Variants in PROS1 observed in about 807,000 individuals in gnomAD.
The protein encoded by PROS1 is protein S.
Under a neutral mutation model 75.9 loss-of-function variants are expected in PROS1, and 29 were observed. The observed-to-expected ratio is 0.38, with a 90% CI of 0.28 to 0.52. The LOEUF (loss-of-function observed/expected upper bound fraction) is 0.52, where lower values mean the gene tolerates loss of function less well. Ranked by LOEUF, PROS1 falls within the 20% of genes least tolerant of loss-of-function variation. The pLI, the probability that PROS1 is intolerant of heterozygous loss-of-function variation, is 0.83. For missense variants in PROS1, 680 were observed against 810.3 expected (o/e 0.84, Z 1.95); for synonymous variants, 245 against 280.6 (o/e 0.87, Z 1.27).
At chr3:93,942,714 T>C (rs1185253966) in intron 1 of PROS1, among the ~76,000 whole-genome samples, 2 of 152,146 alleles carry the variant, frequency 1.3e-5, no homozygotes, top group African/African-American at 4.8e-5. Flanking sequence ...CAAAACCTCT[T>C]CCATTTAGGT....
chr3:93,936,026 T>C (rs1709177630), intron 1 of PROS1, among the ~76,000 whole-genome samples: 1 of 142,246 alleles, frequency 7.0e-6, no homozygotes, highest in African/African-American at 2.6e-5. Flanking sequence ...GTAAGTAAAA[T>C]GATAAAATAA....
chr3:93,969,685 T>C (rs1276566027), intron 1 of PROS1, among the ~76,000 whole-genome samples: 2 of 152,196 alleles, frequency 1.3e-5, no homozygotes, highest in East Asian at 3.8e-4. Flanking sequence ...TCTGTAGGCC[T>C]GGCTTCTGTA....
intron 1 of PROS1, among the ~76,000 whole-genome samples, chr3:93,958,933 G>A (rs535831625): frequency 1.4e-4 from 22 of 152,234 alleles, no homozygotes; most frequent in Admixed American, 3.9e-4. Context: ...AATGGAGTAC[G>A]TAATCAATTT....
intron 1 of PROS1, among the ~76,000 whole-genome samples, chr3:93,952,024 A>G (rs1429904548): frequency 6.6e-6 from 1 of 152,234 alleles, no homozygotes; most frequent in East Asian, 1.9e-4. Flanking sequence ...TTCAACAAGA[A>G]GAGCTAACAA....
At chr3:93,898,858 GA>G (rs927803916) in intron 7 of PROS1, among the ~76,000 whole-genome samples, 3 of 151,194 alleles carry the variant, frequency 2.0e-5, no homozygotes, top group Non-Finnish European at 4.4e-5. Context: ...TGAATTTGAA[GA>G]AAAAAAAGAT....
At chr3:93,915,957 G>A (rs902761995) in intron 3 of PROS1, among the ~76,000 whole-genome samples, 13 of 152,096 alleles carry the variant, frequency 8.5e-5, no homozygotes, top group South Asian at 2.1e-4. Context: ...CCAATGTTTC[G>A]TCTTAGGCCT....
intron 1 of PROS1, among the ~76,000 whole-genome samples, chr3:93,940,297 C>T (rs1362714589): frequency 2.0e-5 from 3 of 152,134 alleles, no homozygotes; most frequent in East Asian, 1.9e-4. Context: ...CCGATTGCCT[C>T]GGAAGTCTCC....
chr3:93,949,063 A>G (rs1412320635), intron 1 of PROS1, among the ~76,000 whole-genome samples: 1 of 152,222 alleles, frequency 6.6e-6, no homozygotes, highest in Non-Finnish European at 1.5e-5. Context: ...TCATGGACCA[A>G]TGTCTCTAAA....
At chr3:93,942,697 G>A (rs367960575) in intron 1 of PROS1, among the ~76,000 whole-genome samples, 41 of 152,056 alleles carry the variant, frequency 2.7e-4, no homozygotes, top group African/African-American at 7.2e-4. Context: ...CTATTCTGTC[G>A]TCATTTCAAA....
At chr3:93,919,511 AT>A (rs1406909322) in intron 3 of PROS1, among the ~76,000 whole-genome samples, 1 of 150,712 alleles carries the variant, frequency 6.6e-6, no homozygotes, top group Admixed American at 6.6e-5. Flanking sequence ...ACCTCTTGAT[AT>A]TTATATTTTT....
intron 3 of PROS1, among the ~76,000 whole-genome samples, chr3:93,915,106 C>T (rs921813908): frequency 6.6e-6 from 1 of 152,158 alleles, no homozygotes; most frequent in African/African-American, 2.4e-5. Context: ...CCCTGATTCC[C>T]TTTTAATTGT....
At chr3:93,926,723 A>ACG (rs1250856196) in intron 2 of PROS1, among the ~76,000 whole-genome samples, 1 of 152,256 alleles carries the variant, frequency 6.6e-6, no homozygotes, top group Non-Finnish European at 1.5e-5. Flanking sequence ...GCGCGCGCAC[A>ACG]CGCACACACA....
At chr3:93,916,369 T>C (rs1357899993) in intron 3 of PROS1, among the ~76,000 whole-genome samples, 1 of 152,202 alleles carries the variant, frequency 6.6e-6, no homozygotes, top group Non-Finnish European at 1.5e-5. Context: ...GCTCTGAGGC[T>C]GGAGACCCAA....
chr3:93,905,460 C>T (rs1708658236), intron 6 of PROS1, among the ~76,000 whole-genome samples: 1 of 152,080 alleles, frequency 6.6e-6, no homozygotes, highest in African/African-American at 2.4e-5. Context: ...ACAAAACTAG[C>T]TGGGCATGGT....
At chr3:93,949,365 C>G (rs1372666982) in intron 1 of PROS1, among the ~76,000 whole-genome samples, 1 of 152,152 alleles carries the variant, frequency 6.6e-6, no homozygotes, top group Non-Finnish European at 1.5e-5. Flanking sequence ...CCACATTTGG[C>G]AGGATTTTAC....
chr3:93,874,235 A>G lies in PROS1; in HGVS notation c.*10T>C, dbSNP rs1179539571. ...CAAGGAAAAGGTATTATAAGCAGAG[A>G]AAAGATGCCTTAAGAATTCTTTGTC... On this transcript the variant is annotated 3_prime_UTR_variant, in exon 15 of 15. Transcript: ENST00000394236. The G allele has an allele frequency of 6.2e-7, 1 of 1,613,190 alleles. No individual in the cohort carries two copies.
chr3:93,973,883 AGCCTCG>A lies in PROS1; in HGVS notation c.-140_-135del, dbSNP rs1709933251. 1 of 636,122 alleles carries A rather than the reference AGCCTCG, an allele frequency of 1.6e-6. No homozygotes were observed. Among genetic ancestry groups the A allele is most frequent in the Non-Finnish European group, 2.3e-6 (1 of 427,912 alleles). 39.4% of individuals were successfully genotyped at this position (636,122 alleles called of 1,614,324 possible). A position where few individuals can be genotyped will look rare whatever the true frequency, so the allele number is the denominator to read the frequency against. On this transcript the variant is annotated 5_prime_UTR_variant, in exon 1 of 15. Coordinates refer to ENST00000394236, the MANE Select transcript of PROS1 (RefSeq NM_000313.4). ...GCGCGGCGGCGCCAGCGACCCAGCG[AGCCTCG>A]GCGGAACAGCCGGGGGCGGAGGAGA...
intron 8 of PROS1, 101 bp from the exon 9 acceptor site, chr3:93,896,792 T>C: frequency 2.4e-6 from 2 of 825,716 alleles, no homozygotes; most frequent in Non-Finnish European, 4.2e-6. Flanking sequence ...GTTACTAATG[T>C]ATCATCTGTA....
chr3:93,946,010 C>T (rs903742068), intron 1 of PROS1, among the ~76,000 whole-genome samples: 7 of 152,010 alleles, frequency 4.6e-5, no homozygotes, highest in Non-Finnish European at 1.0e-4. Context: ...TTCTATATAC[C>T]AATAACAGAC....
Sources: gnomAD v4.1 joint callset for allele counts (sites outside exome capture counted in the v4.1 genomes callset) on GRCh38, gnomAD v4.1.1 for gene constraint, MANE v1.5 for transcripts, NCBI Gene and HGNC (gene_info 2026-07-23, HGNC 2026-07-21) for gene names.